ABLIM3: variants seen among roughly 807,000 people sequenced by gnomAD.
ABLIM3 encodes actin-binding LIM protein 3.
A neutral mutation model predicts 109.5 loss-of-function variants in ABLIM3; 61 were observed. The observed-to-expected ratio is 0.56, with a 90% CI of 0.45 to 0.69. The LOEUF is 0.69. Among genes scored for constraint, ABLIM3 ranks in the 30% least tolerant of loss-of-function variants. The pLI is 0.00. For synonymous variants in ABLIM3, 300 were observed against 324.8 expected (o/e 0.92, Z 0.82); for missense variants, 796 against 889.5 (o/e 0.89, Z 1.34).
intron 5 of ABLIM3, among the ~76,000 whole-genome samples, chr5:149,206,606 A>T (rs546357127): frequency 1.1e-4 from 16 of 152,312 alleles, no homozygotes; most frequent in African/African-American, 3.8e-4. Flanking sequence ...AGGTCTTGTT[A>T]AAATTCAAGA....
intron 2 of ABLIM3, among the ~76,000 whole-genome samples, chr5:149,168,610 C>A (rs1489933574): frequency 6.6e-6 from 1 of 152,162 alleles, no homozygotes; most frequent in African/African-American, 2.4e-5. Context: ...TCTGCCAGGG[C>A]TGAGTGCATA....
chr5:149,143,524 C>A (rs1274025898), intron 2 of ABLIM3, among the ~76,000 whole-genome samples: 2 of 151,530 alleles, frequency 1.3e-5, no homozygotes, highest in African/African-American at 4.9e-5. Flanking sequence ...CCCACCCCAC[C>A]CCCACCTCCT....
At position 149,198,294 on chromosome 5, in the gene ABLIM3, A is replaced by T; in HGVS notation, c.227A>T (p.Gln76Leu). Reference protein sequence around the residue: ...QEYICTQDYQQLYGTRCDSCR... With the variant: ...QEYICTQDYQLLYGTRCDSCR... ...TACATCTGCACCCAGGACTACCAGC[A>T]ACTCTATGGCACCCGCTGTGACAGC... is the stretch of plus-strand genomic sequence containing the variant. The change falls in exon 4 of 24, where the codon CAA becomes CTA. Residue 76 changes from glutamine (Q) to leucine (L), a missense_variant. Physicochemically the swap from Gln to Leu is moderately radical, Grantham distance 113. Transcript: ENST00000309868. This position sits in a 1 kb window ranked among gnomAD's most constrained non-coding sequence, Gnocchi z 4.2. 6.2e-7 allele frequency: 1 copy of T among 1,614,208 alleles called. No homozygotes were observed.
At chr5:149,176,994 T>C (rs1301172422) in intron 2 of ABLIM3, 1 of 152,262 alleles carries the variant, frequency 6.6e-6, no homozygotes, top group Non-Finnish European at 1.5e-5. Flanking sequence ...GCTTTTCTTG[T>C]CCTCTTCTGT....
intron 11 of ABLIM3, 38 bp from the exon 12 acceptor site, chr5:149,239,210 C>CTCGT (rs1561623612): frequency 1.9e-6 from 3 of 1,611,532 alleles, no homozygotes; most frequent in Non-Finnish European, 2.5e-6. Context: ...ATTCCTTCTG[C>CTCGT]TCGTTCCACA....
Position 149,198,463 on chromosome 5 carries a change from C to G in ABLIM3, c.335+61C>G. 6.7e-7 allele frequency: 1 copy of G among 1,503,266 alleles called. No homozygotes were observed. The highest frequency in any genetic ancestry group is 1.4e-5 in the South Asian group (1 of 73,124). The allele number at this position is 1,503,266 out of a possible 1,614,324, so 93.1% of individuals were successfully genotyped here. On this transcript the variant is annotated intron_variant, in intron 4 of 23. Transcript: ENST00000309868. This position sits in a 1 kb window ranked among gnomAD's most constrained non-coding sequence, Gnocchi z 4.2. The stretch of plus-strand genomic sequence containing the variant: ...CATAAGCCCCCGGGGCAGGGGAAGA[C>G]CTGGCTTTTTCCAGGAAGTTCTGGG...
intron 3 of ABLIM3, among the ~76,000 whole-genome samples, chr5:149,192,528 A>T (rs1292564876): frequency 6.6e-6 from 1 of 150,892 alleles, no homozygotes; most frequent in Non-Finnish European, 1.5e-5. Context: ...CAGGAGGCTG[A>T]GGCAGGAGAA....
At chr5:149,220,452 G>A (rs1179562756) in intron 8 of ABLIM3, 4 of 152,110 alleles carry the variant, frequency 2.6e-5, no homozygotes, top group African/African-American at 9.7e-5. Flanking sequence ...CTGGGAGAGT[G>A]GGAGTAATTG....
intron 2 of ABLIM3, among the ~76,000 whole-genome samples, chr5:149,181,070 G>C (rs1350872176): frequency 6.6e-6 from 1 of 152,212 alleles, no homozygotes; most frequent in Non-Finnish European, 1.5e-5. Flanking sequence ...AGAGCACTCA[G>C]CGTTAATGAT....
chr5:149,228,436 A>G (rs375372099), intron 8 of ABLIM3, among the ~76,000 whole-genome samples: 2 of 152,228 alleles, frequency 1.3e-5, no homozygotes, highest in Non-Finnish European at 2.9e-5. Flanking sequence ...GTAGGGTCCA[A>G]TGAGTCATTC....
chr5:149,222,327 C>T (rs1760735145), intron 8 of ABLIM3, among the ~76,000 whole-genome samples: 1 of 152,110 alleles, frequency 6.6e-6, no homozygotes, highest in South Asian at 2.1e-4. Flanking sequence ...AGAGCATACG[C>T]CACTTAGCCA....
chr5:149,183,415 G>C, intron 2 of ABLIM3, 37 bp from the exon 3 acceptor site: 1 of 1,477,732 alleles, frequency 6.8e-7, no homozygotes, highest in Non-Finnish European at 9.0e-7. Context: ...TAAAGAATCA[G>C]GGCCTCTGGA....
intron 8 of ABLIM3, among the ~76,000 whole-genome samples, chr5:149,223,187 T>C (rs1760834872): frequency 6.6e-6 from 1 of 152,058 alleles, no homozygotes; most frequent in African/African-American, 2.4e-5. Context: ...AGTATTACAG[T>C]GTAGTAGCTT....
intron 2 of ABLIM3, 69 bp downstream of exon 2, chr5:149,142,177 C>G: frequency 3.1e-6 from 5 of 1,587,668 alleles, no homozygotes; most frequent in Non-Finnish European, 4.3e-6. Context: ...AGCCTGCGCT[C>G]GGGCTGCCTG....
chr5:149,169,027 T>TAAA (rs1755097985), intron 2 of ABLIM3, among the ~76,000 whole-genome samples: 1 of 137,944 alleles, frequency 7.2e-6, no homozygotes, highest in Non-Finnish European at 1.5e-5. Context: ...ACTCATACAG[T>TAAA]AAAAGCACCT....
chr5:149,233,348 T>A, intron 10 of ABLIM3, 48 bp downstream of exon 10: 1 of 1,571,904 alleles, frequency 6.4e-7, no homozygotes, highest in Non-Finnish European at 8.8e-7. Flanking sequence ...ATTCCTGACC[T>A]GGTATATAAA....
chr5:149,203,494 A>G (rs1284674051), intron 5 of ABLIM3, among the ~76,000 whole-genome samples: 1 of 151,972 alleles, frequency 6.6e-6, no homozygotes. Context: ...CATTGACACC[A>G]CCACCACAAT....
intron 3 of ABLIM3, among the ~76,000 whole-genome samples, chr5:149,187,916 C>G (rs1729219114): frequency 6.6e-6 from 1 of 152,190 alleles, no homozygotes; most frequent in South Asian, 2.1e-4. Context: ...GGGCCACGTG[C>G]CTCAGGGATA....
At chr5:149,177,762 G>C (rs1431124280) in intron 2 of ABLIM3, among the ~76,000 whole-genome samples, 3 of 152,200 alleles carry the variant, frequency 2.0e-5, no homozygotes, top group African/African-American at 7.2e-5. Flanking sequence ...GGGTGATTTA[G>C]AAAGAATCCC....
Sources: gnomAD v4.1 joint callset for allele counts (sites outside exome capture counted in the v4.1 genomes callset) on GRCh38, gnomAD v4.1.1 for gene constraint, Gnocchi (gnomAD v3.1) non-coding constraint, MANE v1.5 for transcripts, NCBI Gene and HGNC (gene_info 2026-07-23, HGNC 2026-07-21) for gene names.